HNRNPA0: variants seen among roughly 807,000 people sequenced by gnomAD.
The protein encoded by HNRNPA0 is hnRNA binding protein.
For synonymous variants in HNRNPA0, 243 were observed against 195.5 expected (o/e 1.24, Z -2.03); for missense variants, 252 against 433.7 (o/e 0.58, Z 3.72).
chr5:137,750,118 T>C lies in HNRNPA0; in HGVS notation c.*3031A>G, dbSNP rs1753473168. The stretch of plus-strand genomic sequence containing the variant: ...GCTTTTTAAATGACCTGAAAAACAC[T>C]ACAGATATTCCAATCAAAAAATCTA... On this transcript the variant is annotated 3_prime_UTR_variant, in exon 1 of 1. Coordinates refer to ENST00000314940, the MANE Select transcript of HNRNPA0 (RefSeq NM_006805.4). The C allele has an allele frequency of 1.3e-5, 2 of 152,248 alleles. No individual in the cohort carries two copies. Among genetic ancestry groups the C allele is most frequent in the South Asian group, 4.1e-4 (2 of 4,828 alleles). The allele number at this position is 152,248 out of a possible 1,614,324, so 9.4% of individuals were successfully genotyped here.
chr5:137,751,453 C>T lies in HNRNPA0; in HGVS notation c.*1696G>A, dbSNP rs1460707700. 8 of 148,870 alleles carry T rather than the reference C, an allele frequency of 5.4e-5. No homozygotes were observed. The highest frequency in any genetic ancestry group is 3.0e-5 in the Non-Finnish European group (2 of 67,336). The allele number at this position is 148,870 out of a possible 1,614,324, so 9.2% of individuals were successfully genotyped here. A position where few individuals can be genotyped will look rare whatever the true frequency, so the allele number is the denominator to read the frequency against. ...AAAGCTTCTTAGTATAGCTTTGAGC[C>T]TTCAACGTCAACATGTAAGTCAAAT... On this transcript the variant is annotated 3_prime_UTR_variant, in exon 1 of 1. Coordinates refer to ENST00000314940, the MANE Select transcript of HNRNPA0 (RefSeq NM_006805.4).
chr5:137,753,563 C>G lies in HNRNPA0; in HGVS notation c.504G>C (p.Val168=). Residue 168 remains valine, a synonymous_variant, in exon 1 of 1, where the codon GTG becomes GTC. Coordinates refer to ENST00000314940, the MANE Select transcript of HNRNPA0 (RefSeq NM_006805.4). This position sits in a 1 kb window ranked among gnomAD's most constrained non-coding sequence, Gnocchi z 6.1. ...VKFHPIQGHR[V]EVKKAVPKED... ...CCTTGGGGACTGCTTTCTTCACCTC[C>G]ACGCGATGGCCCTGAATCGGATGGA... is the stretch of plus-strand genomic sequence containing the variant. 1.9e-6 allele frequency: 3 copies of G among 1,613,552 alleles called. No individual in the cohort carries two copies. The highest frequency in any genetic ancestry group is 1.7e-6 in the Non-Finnish European group (2 of 1,179,568).
At position 137,749,296 on chromosome 5, in the gene HNRNPA0, A is replaced by G. The variant is rs1753457965; in HGVS notation, c.*3853T>C. ...TGAATAGAGAAGGAAACAGTTAAGA[A>G]TAACTACCAAAGGTGTCTTCCTGAA... On this transcript the variant is annotated 3_prime_UTR_variant, in exon 1 of 1. Transcript: ENST00000314940. 2 of 152,220 alleles carry G rather than the reference A, an allele frequency of 1.3e-5. No homozygotes were observed. Among genetic ancestry groups the G allele is most frequent in the African/African-American group, 2.4e-5 (1 of 41,458 alleles). 9.4% of individuals were successfully genotyped at this position (152,220 alleles called of 1,614,324 possible).
Position 137,754,259 on chromosome 5 carries a change from C to T in HNRNPA0, c.-193G>A, listed in dbSNP as rs1580803287. 3 of 772,282 alleles carry T rather than the reference C, an allele frequency of 3.9e-6. No individual in the cohort carries two copies. The highest frequency in any genetic ancestry group is 4.1e-6 in the Non-Finnish European group (2 of 490,762). 47.8% of individuals were successfully genotyped at this position (772,282 alleles called of 1,614,324 possible). On this transcript the variant is annotated 5_prime_UTR_variant, in exon 1 of 1. Coordinates refer to ENST00000314940, the MANE Select transcript of HNRNPA0 (RefSeq NM_006805.4). ...GAGAGGAAGGGGGAGGGAAGGGGAG[C>T]GGTGCCGGCTAAAGGGCGAGCCGAG... is the stretch of plus-strand genomic sequence containing the variant.
rs1430901580 is a variant in HNRNPA0, at chr5:137,753,002, A to T, written c.*147T>A. The T allele has an allele frequency of 7.7e-6, 6 of 778,988 alleles. No homozygotes were observed. The highest frequency in any genetic ancestry group is 7.0e-5 in the African/African-American group (4 of 57,308). 48.3% of individuals were successfully genotyped at this position (778,988 alleles called of 1,614,324 possible). A position where few individuals can be genotyped will look rare whatever the true frequency, so the allele number is the denominator to read the frequency against. The stretch of plus-strand genomic sequence containing the variant: ...GGCAGGCAAATAGAGGAACACCCCC[A>T]AGGGTAAGCAGCCTTAGAAGTGGCT... On this transcript the variant is annotated 3_prime_UTR_variant, in exon 1 of 1. Coordinates refer to ENST00000314940, the MANE Select transcript of HNRNPA0 (RefSeq NM_006805.4). The surrounding 1 kb of genome is among the most constrained non-coding windows in gnomAD (Gnocchi z 6.1).
Position 137,753,051 on chromosome 5 carries a change from G to T in HNRNPA0, c.*98C>A. The T allele has an allele frequency of 3.0e-6, 4 of 1,317,942 alleles. No homozygotes were observed. The highest frequency in any genetic ancestry group is 4.2e-6 in the Non-Finnish European group (4 of 959,734). 81.6% of individuals were successfully genotyped at this position (1,317,942 alleles called of 1,614,324 possible). A position where few individuals can be genotyped will look rare whatever the true frequency, so the allele number is the denominator to read the frequency against. ...CTCCCCCAAGGGCAAAACAGGGAAGGCGGTGTGTGTGAGGGGGTGGGGCTT... is the reference window on the plus strand; with the variant it reads ...CTCCCCCAAGGGCAAAACAGGGAAGTCGGTGTGTGTGAGGGGGTGGGGCTT... On this transcript the variant is annotated 3_prime_UTR_variant, in exon 1 of 1. Transcript: ENST00000314940. This position sits in a 1 kb window ranked among gnomAD's most constrained non-coding sequence, Gnocchi z 6.1.
Position 137,752,112 on chromosome 5 carries a change from GAA to G in HNRNPA0, c.*1035_*1036del, listed in dbSNP as rs56007433. The G allele has an allele frequency of 2.1e-5, 2 of 96,834 alleles. No individual in the cohort carries two copies. 6.0% of individuals were successfully genotyped at this position (96,834 alleles called of 1,614,324 possible). A position where few individuals can be genotyped will look rare whatever the true frequency, so the allele number is the denominator to read the frequency against. ...CATGAGGCCAACAGTTCGGATATAG[GAA>G]AAAAAAAAAAAAAACGTTTAAACCT... is the stretch of plus-strand genomic sequence containing the variant. On this transcript the variant is annotated 3_prime_UTR_variant, in exon 1 of 1. Transcript: ENST00000314940.
At position 137,749,143 on chromosome 5, in the gene HNRNPA0, A is replaced by G. The variant is rs1256464133; in HGVS notation, c.*4006T>C. On this transcript the variant is annotated 3_prime_UTR_variant, in exon 1 of 1. Coordinates refer to ENST00000314940, the MANE Select transcript of HNRNPA0 (RefSeq NM_006805.4). ...TGACGGTAAACACTGGGAAATAAGC[A>G]CACTGTTTAAATGGCAAAAGTTTAC... is the stretch of plus-strand genomic sequence containing the variant. 1 of 152,204 alleles carries G rather than the reference A, an allele frequency of 6.6e-6. No homozygotes were observed. The highest frequency in any genetic ancestry group is 2.4e-5 in the African/African-American group (1 of 41,456). 9.4% of individuals were successfully genotyped at this position (152,204 alleles called of 1,614,324 possible).
rs1250916650 is a variant in HNRNPA0, at chr5:137,753,365, G to A, written c.702C>T (p.Tyr234=). The part of the protein sequence containing the change: ...GGGGGGGYNA[Y]GGGGGGSSYG... ...AGGACGAACCGCCGCCGCCGCCTCC[G>A]TAGGCATTGTAGCCGCCGCCTCCGC... Residue 234 remains tyrosine, a synonymous_variant, in exon 1 of 1, where the codon TAC becomes TAT. Coordinates refer to ENST00000314940, the MANE Select transcript of HNRNPA0 (RefSeq NM_006805.4). The surrounding 1 kb of genome is among the most constrained non-coding windows in gnomAD (Gnocchi z 6.1). 3 of 1,548,492 alleles carry A rather than the reference G, an allele frequency of 1.9e-6. No homozygotes were observed. Among genetic ancestry groups the A allele is most frequent in the East Asian group, 2.4e-5 (1 of 40,886 alleles).
rs967609186 is a variant in HNRNPA0 at position 137,752,768 on chromosome 5, A to T, written c.*381T>A. 1 of 66,112 alleles carries T rather than the reference A, an allele frequency of 1.5e-5. No individual in the cohort carries two copies. Among genetic ancestry groups the T allele is most frequent in the Admixed American group, 1.8e-4 (1 of 5,712 alleles). 4.1% of individuals were successfully genotyped at this position (66,112 alleles called of 1,614,324 possible). On this transcript the variant is annotated 3_prime_UTR_variant, in exon 1 of 1. Transcript: ENST00000314940. ...CTTACAACAAAGTAAACTACCCCCC[A>T]CCCCAACCCCCACCCAGGTTTTGCT...
Position 137,752,092 on chromosome 5 carries a change from G to A in HNRNPA0, c.*1057C>T, listed in dbSNP as rs925425389. On this transcript the variant is annotated 3_prime_UTR_variant, in exon 1 of 1. Coordinates refer to ENST00000314940, the MANE Select transcript of HNRNPA0 (RefSeq NM_006805.4). ...AAGATCGGGAAAGGGATTTCCATGA[G>A]GCCAACAGTTCGGATATAGGAAAAA... The A allele has an allele frequency of 2.0e-5, 3 of 151,104 alleles. No homozygotes were observed. Among genetic ancestry groups the A allele is most frequent in the Admixed American group, 6.6e-5 (1 of 15,178 alleles). 9.4% of individuals were successfully genotyped at this position (151,104 alleles called of 1,614,324 possible).
rs1287410320 is a variant in HNRNPA0, at chr5:137,748,065, A to C, written c.*5084T>G. Reference sequence around the variant, plus strand: ...CCTTATCTGTGAAGGTTACTGAATGATGCAATGAGAACATTTGTAAATGTA... The same window carrying C: ...CCTTATCTGTGAAGGTTACTGAATGCTGCAATGAGAACATTTGTAAATGTA... On this transcript the variant is annotated 3_prime_UTR_variant, in exon 1 of 1. Transcript: ENST00000314940. The C allele has an allele frequency of 6.6e-6, 1 of 152,194 alleles. No individual in the cohort carries two copies. The highest frequency in any genetic ancestry group is 1.9e-4 in the East Asian group (1 of 5,196). The allele number at this position is 152,194 out of a possible 1,614,324, so 9.4% of individuals were successfully genotyped here.
chr5:137,754,292 G>T lies in HNRNPA0; in HGVS notation c.-226C>A. On this transcript the variant is annotated 5_prime_UTR_variant, in exon 1 of 1. Coordinates refer to ENST00000314940, the MANE Select transcript of HNRNPA0 (RefSeq NM_006805.4). ...GCTAAAGGGCGAGCCGAGGAGACTG[G>T]AAGACAACCAAGGCCACCGCTACCG... The T allele has an allele frequency of 1.7e-6, 1 of 589,188 alleles. No homozygotes were observed. Among genetic ancestry groups the T allele is most frequent in the Non-Finnish European group, 2.9e-6 (1 of 340,552 alleles). The allele number at this position is 589,188 out of a possible 1,614,324, so 36.5% of individuals were successfully genotyped here.
Position 137,748,948 on chromosome 5 carries a change from TAAAGGA to T in HNRNPA0, c.*4195_*4200del, listed in dbSNP as rs1264013320. 6.6e-6 allele frequency: 1 copy of T among 152,174 alleles called. No individual in the cohort carries two copies. Among genetic ancestry groups the T allele is most frequent in the Non-Finnish European group, 1.5e-5 (1 of 68,022 alleles). The allele number at this position is 152,174 out of a possible 1,614,324, so 9.4% of individuals were successfully genotyped here. A position where few individuals can be genotyped will look rare whatever the true frequency, so the allele number is the denominator to read the frequency against. Reference sequence around the variant, plus strand: ...AATATGAGATTGTGACACAATGCTGTAAAGGAAAAGATGCATCATCTCAAAATAAAT... The same window carrying T: ...AATATGAGATTGTGACACAATGCTGTAAAGATGCATCATCTCAAAATAAAT... On this transcript the variant is annotated 3_prime_UTR_variant, in exon 1 of 1. Coordinates refer to ENST00000314940, the MANE Select transcript of HNRNPA0 (RefSeq NM_006805.4).
chr5:137,750,300 C>T lies in HNRNPA0; in HGVS notation c.*2849G>A, dbSNP rs1357169427. ...ATTGAAAAAAATCTAAAACTCAAAA[C>T]ACTTCTGGGCCCAAGAATTTCAGAT... is the stretch of plus-strand genomic sequence containing the variant. On this transcript the variant is annotated 3_prime_UTR_variant, in exon 1 of 1. Coordinates refer to ENST00000314940, the MANE Select transcript of HNRNPA0 (RefSeq NM_006805.4). 1 of 152,098 alleles carries T rather than the reference C, an allele frequency of 6.6e-6. No homozygotes were observed. Among genetic ancestry groups the T allele is most frequent in the Non-Finnish European group, 1.5e-5 (1 of 67,994 alleles). 9.4% of individuals were successfully genotyped at this position (152,098 alleles called of 1,614,324 possible). A position where few individuals can be genotyped will look rare whatever the true frequency, so the allele number is the denominator to read the frequency against.
rs1753474004 is a variant in HNRNPA0 at position 137,750,176 on chromosome 5, AGACAT to A, written c.*2968_*2972del. 1 of 152,216 alleles carries A rather than the reference AGACAT, an allele frequency of 6.6e-6. No homozygotes were observed. The highest frequency in any genetic ancestry group is 1.5e-5 in the Non-Finnish European group (1 of 68,020). The allele number at this position is 152,216 out of a possible 1,614,324, so 9.4% of individuals were successfully genotyped here. On this transcript the variant is annotated 3_prime_UTR_variant, in exon 1 of 1. Coordinates refer to ENST00000314940, the MANE Select transcript of HNRNPA0 (RefSeq NM_006805.4). Reference sequence around the variant, plus strand: ...CCAAAATCCGAAATTTTTTGAGTGCAGACATGACATTCAAAGGAAATGCTCATTGA... The same window carrying A: ...CCAAAATCCGAAATTTTTTGAGTGCAGACATTCAAAGGAAATGCTCATTGA...
rs1414514285 is a variant in HNRNPA0 at position 137,748,309 on chromosome 5, T to C, written c.*4840A>G. On this transcript the variant is annotated 3_prime_UTR_variant, in exon 1 of 1. Transcript: ENST00000314940. ...TCACATTATTTATACCTTCCTAATA[T>C]TAACAAATACTTAAAACATTACAGA... The C allele has an allele frequency of 6.6e-6, 1 of 152,168 alleles. No individual in the cohort carries two copies. The highest frequency in any genetic ancestry group is 1.5e-5 in the Non-Finnish European group (1 of 68,022). The allele number at this position is 152,168 out of a possible 1,614,324, so 9.4% of individuals were successfully genotyped here.
rs1753511346 is a variant in HNRNPA0 at position 137,752,258 on chromosome 5, T to C, written c.*891A>G. 6.6e-6 allele frequency: 1 copy of C among 152,204 alleles called. No homozygotes were observed. Among genetic ancestry groups the C allele is most frequent in the African/African-American group, 2.4e-5 (1 of 41,446 alleles). 9.4% of individuals were successfully genotyped at this position (152,204 alleles called of 1,614,324 possible). ...GCCATCTGAAAAATTTTAAACAGTT[T>C]ATATGAATGACATGCTTAACACAAA... On this transcript the variant is annotated 3_prime_UTR_variant, in exon 1 of 1. Transcript: ENST00000314940.
Position 137,752,903 on chromosome 5 carries a change from G to A in HNRNPA0, c.*246C>T, listed in dbSNP as rs751890701. On this transcript the variant is annotated 3_prime_UTR_variant, in exon 1 of 1. Transcript: ENST00000314940. Reference sequence around the variant, plus strand: ...GTCCAAGTAATAATAAAAAAATAGAGTCCATCAATGACTGTAACACAAAAA... The same window carrying A: ...GTCCAAGTAATAATAAAAAAATAGAATCCATCAATGACTGTAACACAAAAA... The A allele has an allele frequency of 2.9e-4, 124 of 428,668 alleles. 2 individuals carry two copies. The highest frequency in any genetic ancestry group is 5.8e-4 in the Middle Eastern group (1 of 1,712). The allele number at this position is 428,668 out of a possible 1,614,324, so 26.6% of individuals were successfully genotyped here. A position where few individuals can be genotyped will look rare whatever the true frequency, so the allele number is the denominator to read the frequency against.
Sources: allele counts gnomAD v4.1 joint callset, GRCh38; gene constraint gnomAD v4.1.1; non-coding constraint Gnocchi (gnomAD v3.1); transcripts MANE v1.5; gene names NCBI Gene and HGNC (gene_info 2026-07-23, HGNC 2026-07-21).